The following OLA1 variants were observed in gnomAD, a reference collection of about 807,000 sequenced individuals.
OLA1 encodes the protein obg-like ATPase 1.
OLA1 carries 14 observed loss-of-function variants against 48.4 expected under a neutral mutation model. The observed-to-expected ratio is 0.29, with a 90% CI of 0.19 to 0.45. The LOEUF (loss-of-function observed/expected upper bound fraction) is 0.45. OLA1 is among the 20% of genes least tolerant of loss of function. OLA1 has a pLI of 1.00. For synonymous variants in OLA1, 127 were observed against 150.4 expected (o/e 0.84, Z 1.14); for missense variants, 325 against 467.1 (o/e 0.70, Z 2.80).
intron 4 of OLA1, among the ~76,000 whole-genome samples, chr2:174,211,683 C>A (rs1236742709): frequency 6.6e-6 from 1 of 152,094 alleles, no homozygotes; most frequent in Admixed American, 6.6e-5. Context: ...TTTCAGAAAT[C>A]TATCAATAGT....
chr2:174,156,992 A>G (rs893909360), intron 4 of OLA1, among the ~76,000 whole-genome samples: 2 of 151,608 alleles, frequency 1.3e-5, no homozygotes, highest in African/African-American at 4.8e-5. Context: ...AGTAACAGAA[A>G]TGACATCAAA....
intron 5 of OLA1, among the ~76,000 whole-genome samples, chr2:174,134,518 CTCTTGCCCTT>C (rs1456542829): frequency 1.1e-4 from 17 of 152,338 alleles, no homozygotes; most frequent in Admixed American, 2.6e-4. Flanking sequence ...CCACTACCCT[CTCTTGCCCTT>C]TCTGTATTAT....
intron 5 of OLA1, among the ~76,000 whole-genome samples, chr2:174,127,942 A>C (rs1458090643): frequency 6.6e-6 from 1 of 152,018 alleles, no homozygotes; most frequent in East Asian, 1.9e-4. Context: ...TTATATATTA[A>C]ATATATCATT....
chr2:174,223,525 CAACT>C (rs1218142283), intron 3 of OLA1, among the ~76,000 whole-genome samples: 5 of 152,032 alleles, frequency 3.3e-5, no homozygotes, highest in African/African-American at 1.2e-4. Context: ...TAAAATGAGC[CAACT>C]AACTTTGTGC....
chr2:174,104,828 C>T (rs1685478903), intron 7 of OLA1, among the ~76,000 whole-genome samples: 1 of 151,946 alleles, frequency 6.6e-6, no homozygotes. Context: ...ACATGATTTT[C>T]AACCACTTGA....
At chr2:174,141,792 G>T in intron 5 of OLA1, 33 bp downstream of exon 5, 5 of 1,488,940 alleles carry the variant, frequency 3.4e-6, no homozygotes, top group Non-Finnish European at 4.6e-6. Context: ...ATAAACTCTT[G>T]AGTATCTAAA....
intron 9 of OLA1, among the ~76,000 whole-genome samples, chr2:174,080,713 G>A (rs1001627060): frequency 6.6e-6 from 1 of 152,060 alleles, no homozygotes; most frequent in Admixed American, 6.6e-5. Flanking sequence ...AGAGCATAAT[G>A]ATGTCATATT....
intron 3 of OLA1, among the ~76,000 whole-genome samples, chr2:174,224,397 G>A (rs533626424): frequency 3.9e-4 from 59 of 152,242 alleles, no homozygotes; most frequent in African/African-American, 1.3e-3. Context: ...ATGTAGCTCC[G>A]GCCTTCACTA....
rs1300240791 is a variant in OLA1 at position 174,141,764 on chromosome 2, A to C, written c.549+61T>G. The stretch of plus-strand genomic sequence containing the variant: ...TAGATGTATCATATGCATTATTTAA[A>C]AAATTTAATCAAGAAAAATAAACTC... On this transcript the variant is annotated intron_variant, in intron 5 of 10. Transcript: ENST00000284719. 20 of 1,335,506 alleles carry C rather than the reference A, an allele frequency of 1.5e-5. No individual in the cohort carries two copies. In the East Asian group the frequency reaches 4.2e-4, roughly 28 times the overall value. 82.7% of individuals were successfully genotyped at this position (1,335,506 alleles called of 1,614,324 possible).
chr2:174,181,872 A>G lies in OLA1; in HGVS notation c.374-39872T>C, dbSNP rs567137338. Among the ~76,000 whole-genome samples the G allele has an allele frequency of 1.2e-4, 18 of 152,306 alleles. 1 individual carries two copies. The East Asian group carries it at 3.5e-3, about 29-fold the overall frequency. On this transcript the variant is annotated intron_variant, in intron 4 of 10. Transcript: ENST00000284719. ...TTCTCCTCAGTATTTATTGCCATCTAATATACAACATACTTTACTTTTGAA... is the reference window on the plus strand; with the variant it reads ...TTCTCCTCAGTATTTATTGCCATCTGATATACAACATACTTTACTTTTGAA...
intron 2 of OLA1, among the ~76,000 whole-genome samples, chr2:174,232,770 G>A (rs1198219040): frequency 6.6e-6 from 1 of 152,164 alleles, no homozygotes. Flanking sequence ...GGAATGTAAA[G>A]TGGTATAGAC....
At chr2:174,114,235 G>A (rs1340848950) in intron 7 of OLA1, among the ~76,000 whole-genome samples, 4 of 147,302 alleles carry the variant, frequency 2.7e-5, no homozygotes, top group Admixed American at 6.8e-5. Flanking sequence ...CCAGCTACTC[G>A]GAAGGCTGAG....
chr2:174,159,063 A>G (rs900003019), intron 4 of OLA1, among the ~76,000 whole-genome samples: 13 of 152,226 alleles, frequency 8.5e-5, no homozygotes, highest in African/African-American at 2.9e-4. Context: ...GCTAAAATCA[A>G]GTCATCCAAT....
chr2:174,203,784 G>A (rs1688045213), intron 4 of OLA1, among the ~76,000 whole-genome samples: 1 of 146,542 alleles, frequency 6.8e-6, no homozygotes, highest in South Asian at 2.1e-4. Flanking sequence ...TTTACAGTTG[G>A]TTAAACGGAG....
intron 4 of OLA1, 139 bp from the exon 5 acceptor site, chr2:174,142,139 C>T: frequency 1.4e-6 from 1 of 721,394 alleles, no homozygotes. Context: ...TAGGATATAG[C>T]ATTTTTCCCC....
At chr2:174,179,858 A>C (rs1687494342) in intron 4 of OLA1, among the ~76,000 whole-genome samples, 1 of 152,122 alleles carries the variant, frequency 6.6e-6, no homozygotes. Context: ...TGGACTGGCA[A>C]CTTTTCACTT....
chr2:174,097,929 A>T (rs534002494), intron 7 of OLA1, among the ~76,000 whole-genome samples: 1 of 152,234 alleles, frequency 6.6e-6, no homozygotes, highest in South Asian at 2.1e-4. Context: ...TCGTCTCACT[A>T]TTTACCATGT....
At chr2:174,195,569 TTC>T (rs1195838324) in intron 4 of OLA1, among the ~76,000 whole-genome samples, 1 of 152,200 alleles carries the variant, frequency 6.6e-6, no homozygotes, top group Non-Finnish European at 1.5e-5. Context: ...CCAAATCTTG[TTC>T]CTGCAAATAT....
chr2:174,169,376 A>T (rs61629311), intron 4 of OLA1, among the ~76,000 whole-genome samples: 1,986 of 152,372 alleles, frequency 0.013, 43 homozygotes, highest in African/African-American at 0.044. Flanking sequence ...TGCAATGCTA[A>T]GACATACAAT....
Sources: gnomAD v4.1 joint callset for allele counts (sites outside exome capture counted in the v4.1 genomes callset) on GRCh38, gnomAD v4.1.1 for gene constraint, MANE v1.5 for transcripts, NCBI Gene and HGNC (gene_info 2026-07-23, HGNC 2026-07-21) for gene names.